RAD51: variants seen among roughly 807,000 people sequenced by gnomAD.
RAD51 encodes the protein RAD51 recombinase.
RAD51 carries 14 observed loss-of-function variants against 41.5 expected under a neutral mutation model. That is an observed-to-expected ratio of 0.34 (90% CI 0.22 to 0.53). RAD51 has a LOEUF of 0.53. Ranked by LOEUF, RAD51 falls within the 20% of genes least tolerant of loss-of-function variation. The pLI is 0.95. For missense variants in RAD51, 234 were observed against 422.0 expected (o/e 0.55, Z 3.90); for synonymous variants, 136 against 148.6 (o/e 0.92, Z 0.62).
rs35383252 is a variant in RAD51 at position 40,701,776 on chromosome 15, ATTTTTTTTTTTT to A, written c.225+590_225+601del. On this transcript the variant is annotated intron_variant, in intron 3 of 9. Coordinates refer to ENST00000267868, the MANE Select transcript of RAD51 (RefSeq NM_002875.5). ...TGAAGTTTTATGTAGTATAAAGCAG[ATTTTTTTTTTTT>A]TTTTTTTTTTTTTTGAGACGGAGTC... The A allele has an allele frequency of 5.9e-4, 80 of 134,882 alleles. 2 individuals carry two copies. The highest frequency in any genetic ancestry group is 4.5e-3 in the South Asian group (77 of 17,290). 8.4% of individuals were successfully genotyped at this position (134,882 alleles called of 1,614,324 possible).
At chr15:40,716,409 C>G (rs2141852472) in intron 5 of RAD51, among the ~76,000 whole-genome samples, 1 of 152,024 alleles carries the variant, frequency 6.6e-6, no homozygotes, top group South Asian at 2.1e-4. Flanking sequence ...CTCTGTCACC[C>G]AAACTGGAGT....
rs45510195 is a variant in RAD51, at chr15:40,728,663, T to G, written c.531-48T>G. ...AAGTGTCAGAAACAAATTGCTCATC[T>G]GCCTGAGTTCTGTGTGCAGCCTAAA... On this transcript the variant is annotated intron_variant, in intron 6 of 9. Transcript: ENST00000267868. 2.8e-3 allele frequency: 4,165 copies of G among 1,490,254 alleles called. 102 individuals carry two copies. The African/African-American group carries it at 0.049, about 18-fold the overall frequency. 92.3% of individuals were successfully genotyped at this position (1,490,254 alleles called of 1,614,324 possible). A position where few individuals can be genotyped will look rare whatever the true frequency, so the allele number is the denominator to read the frequency against.
chr15:40,696,642 CT>C (rs1419384870), intron 1 of RAD51, among the ~76,000 whole-genome samples: 1 of 152,152 alleles, frequency 6.6e-6, no homozygotes, highest in Non-Finnish European at 1.5e-5. Context: ...ATATTTTCCC[CT>C]TTTTACAGTG....
In RAD51 at chr15:40,721,539, C is replaced by T. The variant is rs1008418514; in HGVS notation, c.530+2640C>T. Among the ~76,000 whole-genome samples, 14 of 152,108 alleles carry T rather than the reference C, an allele frequency of 9.2e-5. No individual in the cohort carries two copies. The East Asian group carries it at 9.7e-4, about 10-fold the overall frequency. ...AATTTTTTACAAATACACGTGGTCT[C>T]GCTGTCTTGCCCTGGCTGGTCTCGA... On this transcript the variant is annotated intron_variant, in intron 6 of 9. Coordinates refer to ENST00000267868, the MANE Select transcript of RAD51 (RefSeq NM_002875.5).
At chr15:40,696,252 C>T (rs1894625352) in intron 1 of RAD51, among the ~76,000 whole-genome samples, 1 of 152,086 alleles carries the variant, frequency 6.6e-6, no homozygotes, top group Non-Finnish European at 1.5e-5. Flanking sequence ...AATTCACATT[C>T]ACAACTGTAT....
At chr15:40,729,003 T>C (rs1221487354) in intron 7 of RAD51, among the ~76,000 whole-genome samples, 179 bp downstream of exon 7, 1 of 152,196 alleles carries the variant, frequency 6.6e-6, no homozygotes, top group South Asian at 2.1e-4. Context: ...AATGAAACCA[T>C]AATCTACTTG....
intron 5 of RAD51, among the ~76,000 whole-genome samples, chr15:40,713,563 T>TTTCC (rs1895826977): frequency 4.4e-5 from 1 of 22,952 alleles, no homozygotes; most frequent in Non-Finnish European, 8.2e-5. Context: ...ATTTTAATTG[T>TTTCC]TTATTGCTCC....
intron 4 of RAD51, among the ~76,000 whole-genome samples, chr15:40,706,884 C>G (rs1169501472): frequency 6.6e-6 from 1 of 152,154 alleles, no homozygotes; most frequent in Non-Finnish European, 1.5e-5. Flanking sequence ...CCTACTCTAC[C>G]ACAGGGTTGA....
intron 1 of RAD51, among the ~76,000 whole-genome samples, chr15:40,697,225 C>T (rs554240512): frequency 2.0e-5 from 3 of 152,148 alleles, no homozygotes; most frequent in Non-Finnish European, 4.4e-5. Flanking sequence ...CTCAGCCTCC[C>T]GAGTAGCTGG....
intron 9 of RAD51, among the ~76,000 whole-genome samples, chr15:40,730,708 G>A (rs1896838065): frequency 1.3e-5 from 2 of 151,448 alleles, no homozygotes; most frequent in South Asian, 4.2e-4. Context: ...ATTTTTAGTA[G>A]AGATGGGGTT....
intron 2 of RAD51, 128 bp from the exon 3 acceptor site, chr15:40,700,936 C>CCAGGATTTG: frequency 2.3e-6 from 2 of 867,598 alleles, no homozygotes; most frequent in Non-Finnish European, 3.5e-6. Context: ...CCCGCCCCCC[C>CCAGGATTTG]AAGGATTTCA....
chr15:40,725,000 C>T lies in RAD51; in HGVS notation c.531-3711C>T, dbSNP rs997843827. 3.0e-4 allele frequency among the ~76,000 whole-genome samples: 45 copies of T among 150,170 alleles called. 1 individual carries two copies. Among genetic ancestry groups the T allele is most frequent in the Middle Eastern group, 6.9e-3 (2 of 290 alleles). On this transcript the variant is annotated intron_variant, in intron 6 of 9. Coordinates refer to ENST00000267868, the MANE Select transcript of RAD51 (RefSeq NM_002875.5). The stretch of plus-strand genomic sequence containing the variant: ...CTGCAAGCTCCGCTTCCCGGGTCCA[C>T]GCCATTCTCCTGCCTCAGCCTCCCC...
chr15:40,700,377 A>G (rs1350760782), intron 2 of RAD51, among the ~76,000 whole-genome samples: 1 of 152,238 alleles, frequency 6.6e-6, no homozygotes, highest in Admixed American at 6.5e-5. Context: ...GTTCAACAAA[A>G]AGTATTGACA....
intron 7 of RAD51, 107 bp from the exon 8 acceptor site, chr15:40,729,393 AAAAAT>A: frequency 2.5e-6 from 3 of 1,211,724 alleles, no homozygotes; most frequent in South Asian, 1.4e-5. Flanking sequence ...AAAAAAAAAA[AAAAAT>A]CTGTATACAG....
chr15:40,718,137 C>T (rs1896075779), intron 5 of RAD51, among the ~76,000 whole-genome samples: 1 of 152,120 alleles, frequency 6.6e-6, no homozygotes, highest in South Asian at 2.1e-4. Context: ...ATGGGAGGAT[C>T]TCCAGAGCCC....
rs761493133 is a variant in RAD51 at position 40,713,607 on chromosome 15, A to ATT, written c.435+4507_435+4508dup. 1.5e-3 allele frequency among the ~76,000 whole-genome samples: 189 copies of ATT among 127,528 alleles called. 2 individuals are homozygous for ATT. The highest frequency in any genetic ancestry group is 4.5e-3 in the African/African-American group (151 of 33,526). The allele number at this position is 127,528 out of a possible 152,430, so 83.7% of individuals were successfully genotyped here. On this transcript the variant is annotated intron_variant, in intron 5 of 9. Coordinates refer to ENST00000267868, the MANE Select transcript of RAD51 (RefSeq NM_002875.5). ...TTTCTTTGCAGACCAAAATGTTACA[A>ATT]TTTTTTTTTTTTTTTTTGAGGCGGA...
rs1008291036 is a variant in RAD51 at position 40,708,351 on chromosome 15, G to T, written c.344-674G>T. Among the ~76,000 whole-genome samples, 11 of 148,862 alleles carry T rather than the reference G, an allele frequency of 7.4e-5. No individual in the cohort carries two copies. The South Asian group carries it at 1.7e-3, about 23-fold the overall frequency. On this transcript the variant is annotated intron_variant, in intron 4 of 9. Transcript: ENST00000267868. ...TCAAGTGATTCTCCTGCTTCAGCCT[G>T]CTAGTAGCTGGGATTACAGGTGCCC...
chr15:40,711,147 T>C (rs574431481), intron 5 of RAD51, among the ~76,000 whole-genome samples: 2 of 152,342 alleles, frequency 1.3e-5, no homozygotes, highest in South Asian at 4.1e-4. Flanking sequence ...GTAATCCCAG[T>C]ACTTTGGGAA....
chr15:40,718,116 T>C (rs45462594), intron 5 of RAD51, among the ~76,000 whole-genome samples: 2,170 of 152,102 alleles, frequency 0.014, 29 homozygotes, highest in Middle Eastern at 0.037. Flanking sequence ...CTCAGCTATT[T>C]GGGAGGTGAG....
Sources: allele counts gnomAD v4.1 joint callset (sites outside exome capture counted in the v4.1 genomes callset), GRCh38; gene constraint gnomAD v4.1.1; transcripts MANE v1.5; gene names NCBI Gene and HGNC (gene_info 2026-07-23, HGNC 2026-07-21).